Variants in DPP10 observed in about 807,000 individuals in gnomAD.
The protein encoded by DPP10 is inactive dipeptidyl peptidase 10.
Under a neutral mutation model 120.9 loss-of-function variants are expected in DPP10, and 33 were observed. The ratio of observed to expected loss-of-function variants is 0.27; its 90% CI spans 0.21 to 0.37. The LOEUF (loss-of-function observed/expected upper bound fraction) is 0.37. DPP10 is among the 10% of genes least tolerant of loss of function. The pLI is 1.00. For synonymous variants in DPP10, 337 were observed against 326.1 expected, an observed-to-expected ratio of 1.03 and a Z score of -0.36; for missense variants, 816 against 942.8, an observed-to-expected ratio of 0.87 and a Z score of 1.76.
At chr2:115,189,678 A>C (rs1011605936) in intron 1 of DPP10, among the ~76,000 whole-genome samples, 1 of 152,106 alleles carries the variant, frequency 6.6e-6, no homozygotes, top group East Asian at 1.9e-4. Context: ...AAAAGAAAAA[A>C]CTTCTCTGAA....
chr2:114,578,942 G>A (rs1267293143), intron 1 of DPP10, among the ~76,000 whole-genome samples: 4 of 152,128 alleles, frequency 2.6e-5, no homozygotes, highest in African/African-American at 4.8e-5. Context: ...AATTAAAGTT[G>A]GATCTAACAT....
chr2:115,202,891 A>G (rs1186483828), intron 1 of DPP10, among the ~76,000 whole-genome samples: 1 of 152,210 alleles, frequency 6.6e-6, no homozygotes, highest in African/African-American at 2.4e-5. Context: ...AGAAGAAAAT[A>G]CCTTTCTCTT....
intron 21 of DPP10, among the ~76,000 whole-genome samples, chr2:115,829,468 C>T (rs1335468679): frequency 6.6e-6 from 1 of 151,914 alleles, no homozygotes; most frequent in Non-Finnish European, 1.5e-5. Context: ...CTCTTTACTT[C>T]TCTCTTTGAA....
At chr2:115,792,276 G>A (rs1359324725) in intron 19 of DPP10, among the ~76,000 whole-genome samples, 4 of 152,060 alleles carry the variant, frequency 2.6e-5, no homozygotes, top group Non-Finnish European at 5.9e-5. Context: ...CTGCTTTGTA[G>A]ACTGAGTGAA....
At chr2:114,886,723 T>C (rs1692104893) in intron 1 of DPP10, among the ~76,000 whole-genome samples, 12 of 152,220 alleles carry the variant, frequency 7.9e-5, no homozygotes, top group Admixed American at 7.9e-4. Context: ...TAAACTCTCC[T>C]CCCTGAAGAG....
chr2:114,453,571 G>A (rs534826545), intron 1 of DPP10, among the ~76,000 whole-genome samples: 2 of 152,168 alleles, frequency 1.3e-5, no homozygotes, highest in South Asian at 2.1e-4. Context: ...CTTCAGGAGC[G>A]TTGTTCTCAA....
intron 1 of DPP10, among the ~76,000 whole-genome samples, chr2:114,811,523 C>T (rs998920507): frequency 6.6e-6 from 1 of 151,984 alleles, no homozygotes; most frequent in Non-Finnish European, 1.5e-5. Context: ...ACCATCCGTT[C>T]CACCATGACA....
intron 1 of DPP10, chr2:115,161,977 G>A (rs1431437747): frequency 1.4e-6 from 2 of 1,413,554 alleles, no homozygotes; most frequent in African/African-American, 1.5e-5. Context: ...CGAAGCAGGA[G>A]CCGCAGCCCA....
intron 7 of DPP10, among the ~76,000 whole-genome samples, chr2:115,722,014 G>A (rs2092660914): frequency 6.6e-6 from 1 of 152,088 alleles, no homozygotes. Context: ...GACAAATACT[G>A]CATGATTCCC....
rs1366602608 is a variant in DPP10 at position 115,379,529 on chromosome 2, G to T, written c.271+35617G>T. On this transcript the variant is annotated intron_variant, in intron 3 of 25. Transcript: ENST00000410059. ...CTCCTGGATTCATTGATTTTTTGAAGGGTTTTTTGTGTCTCTATTTCCTTC... is the reference window on the plus strand; with the variant it reads ...CTCCTGGATTCATTGATTTTTTGAATGGTTTTTTGTGTCTCTATTTCCTTC... Among the ~76,000 whole-genome samples the T allele has an allele frequency of 2.0e-5, 3 of 152,044 alleles. No homozygotes were observed. In the East Asian group the frequency reaches 5.8e-4, roughly 29 times the overall value.
chr2:114,603,376 A>G (rs918545784), intron 1 of DPP10, among the ~76,000 whole-genome samples: 5 of 152,084 alleles, frequency 3.3e-5, no homozygotes, highest in African/African-American at 1.2e-4. Flanking sequence ...TTCACCATCT[A>G]TTATGTGATC....
chr2:114,688,599 A>T (rs1429542819), intron 1 of DPP10, among the ~76,000 whole-genome samples: 1 of 152,024 alleles, frequency 6.6e-6, no homozygotes, highest in Non-Finnish European at 1.5e-5. Flanking sequence ...TGGAAAACTG[A>T]AAGTTAGAAC....
intron 1 of DPP10, among the ~76,000 whole-genome samples, chr2:115,035,885 A>T (rs140547179): frequency 3.2e-4 from 48 of 152,322 alleles, no homozygotes; most frequent in African/African-American, 5.5e-4. Flanking sequence ...CCTCTGATAC[A>T]TTTGTGTGCA....
intron 1 of DPP10, among the ~76,000 whole-genome samples, chr2:115,127,134 C>A (rs1158356012): frequency 6.6e-6 from 1 of 152,152 alleles, no homozygotes; most frequent in Non-Finnish European, 1.5e-5. Context: ...TATACCCTAA[C>A]TGTTAAGAAT....
chr2:115,082,515 T>C (rs903563583), intron 1 of DPP10, among the ~76,000 whole-genome samples: 1 of 152,260 alleles, frequency 6.6e-6, no homozygotes, highest in Admixed American at 6.5e-5. Flanking sequence ...AGTCGATTTC[T>C]TCACCCTTTC....
intron 1 of DPP10, among the ~76,000 whole-genome samples, chr2:115,223,831 C>T (rs1460201679): frequency 4.6e-5 from 7 of 151,988 alleles, no homozygotes; most frequent in Admixed American, 4.6e-4. Context: ...CACATCAGTA[C>T]GAGTCATAGA....
intron 1 of DPP10, among the ~76,000 whole-genome samples, chr2:114,842,491 C>G (rs1688238963): frequency 6.6e-6 from 1 of 152,016 alleles, no homozygotes; most frequent in Non-Finnish European, 1.5e-5. Flanking sequence ...ACAGCAACTC[C>G]CCATGATTAG....
chr2:115,380,617 C>T (rs1228398704), intron 3 of DPP10, among the ~76,000 whole-genome samples: 2 of 151,398 alleles, frequency 1.3e-5, no homozygotes, highest in Non-Finnish European at 2.9e-5. Flanking sequence ...GGTTATTTTG[C>T]TCGTTAGTTG....
chr2:114,944,029 A>G (rs190784131), intron 1 of DPP10, among the ~76,000 whole-genome samples: 8 of 152,094 alleles, frequency 5.3e-5, no homozygotes, highest in African/African-American at 9.7e-5. Flanking sequence ...CTTTTTTGCT[A>G]TCATAATATA....
Sources: gnomAD v4.1 joint callset for allele counts (sites outside exome capture counted in the v4.1 genomes callset) on GRCh38, gnomAD v4.1.1 for gene constraint, MANE v1.5 for transcripts, NCBI Gene and HGNC (gene_info 2026-07-23, HGNC 2026-07-21) for gene names.